ADAMTS12: variants seen among roughly 807,000 people sequenced by gnomAD.
ADAMTS12 encodes the protein A disintegrin and metalloproteinase with thrombospondin motifs 12.
ADAMTS12 carries 118 observed loss-of-function variants against 167.8 expected under a neutral mutation model. That is an observed-to-expected ratio of 0.70 (90% CI 0.61 to 0.82). The LOEUF (loss-of-function observed/expected upper bound fraction) is 0.82. Ranked by LOEUF, ADAMTS12 falls within the 40% of genes least tolerant of loss-of-function variation. The probability of loss-of-function intolerance (pLI) is 0.00; values close to 1 mark genes in which losing one functional copy is unlikely to be tolerated. For missense variants in ADAMTS12, 1,916 were observed against 1,998.8 expected, an observed-to-expected ratio of 0.96 and a Z score of 0.79; for synonymous variants, 704 against 716.9, an observed-to-expected ratio of 0.98 and a Z score of 0.29.
At chr5:33,550,858 A>G (rs1422025368) in intron 20 of ADAMTS12, among the ~76,000 whole-genome samples, 4 of 152,062 alleles carry the variant, frequency 2.6e-5, no homozygotes, top group African/African-American at 4.8e-5. Context: ...CACAGTGTAG[A>G]TGGCCATTAT....
chr5:33,873,447 C>T (rs1385733165), intron 2 of ADAMTS12, among the ~76,000 whole-genome samples: 1 of 152,158 alleles, frequency 6.6e-6, no homozygotes, highest in African/African-American at 2.4e-5. Context: ...ATATTCCATG[C>T]TAATGGATAG....
In ADAMTS12 at chr5:33,596,063, G is replaced by A; in HGVS notation, c.2528-3C>T. On this transcript the variant is annotated splice_polypyrimidine_tract_variant and splice_region_variant and intron_variant, in intron 16 of 23. Transcript: ENST00000504830. ...ATGGGCAGTTTGGCGGCGGATACCTGGGGGTCAGACAGAAAGATTCACACA... is the reference window on the plus strand; with the variant it reads ...ATGGGCAGTTTGGCGGCGGATACCTAGGGGTCAGACAGAAAGATTCACACA... The A allele has an allele frequency of 6.2e-7, 1 of 1,613,772 alleles. No homozygotes were observed. The highest frequency in any genetic ancestry group is 8.5e-7 in the Non-Finnish European group (1 of 1,179,836).
chr5:33,581,062 G>A (rs1171303198), intron 18 of ADAMTS12, among the ~76,000 whole-genome samples: 5 of 152,218 alleles, frequency 3.3e-5, no homozygotes, highest in Admixed American at 2.0e-4. Context: ...ATACGAACTT[G>A]CCTTTTCTCC....
chr5:33,719,953 T>A (rs1743749159), intron 3 of ADAMTS12, among the ~76,000 whole-genome samples: 1 of 152,190 alleles, frequency 6.6e-6, no homozygotes, highest in Non-Finnish European at 1.5e-5. Flanking sequence ...AGCACTCATG[T>A]GTATCTGCTT....
chr5:33,560,178 C>G (rs1745670195), intron 20 of ADAMTS12, among the ~76,000 whole-genome samples: 1 of 152,124 alleles, frequency 6.6e-6, no homozygotes, highest in African/African-American at 2.4e-5. Flanking sequence ...GGTGGGTTAC[C>G]ACATGTGGGT....
At chr5:33,816,647 G>A (rs552053091) in intron 2 of ADAMTS12, among the ~76,000 whole-genome samples, 30 of 152,248 alleles carry the variant, frequency 2.0e-4, no homozygotes, top group African/African-American at 7.0e-4. Context: ...TATGTGTTGA[G>A]GTTACAAAAA....
chr5:33,852,100 C>T (rs1414675103), intron 2 of ADAMTS12, among the ~76,000 whole-genome samples: 1 of 151,874 alleles, frequency 6.6e-6, no homozygotes, highest in Non-Finnish European at 1.5e-5. Flanking sequence ...AATGTGCTAA[C>T]AACAACAACA....
chr5:33,585,350 T>A (rs73080316), intron 18 of ADAMTS12, among the ~76,000 whole-genome samples: 6,084 of 152,278 alleles, frequency 0.04, 381 homozygotes, highest in African/African-American at 0.13. Flanking sequence ...CTCATGTTTA[T>A]CATGTTGCTC....
chr5:33,849,983 G>C (rs924719866), intron 2 of ADAMTS12, among the ~76,000 whole-genome samples: 1 of 152,000 alleles, frequency 6.6e-6, no homozygotes, highest in African/African-American at 2.4e-5. Context: ...GTATTTTATA[G>C]TGTAAATCCT....
At position 33,683,080 on chromosome 5, in the gene ADAMTS12, G is replaced by C. The variant is rs906216371; in HGVS notation, c.853C>G (p.Pro285Ala). 18 of 1,612,470 alleles carry C rather than the reference G, an allele frequency of 1.1e-5. No individual in the cohort carries two copies. The highest frequency in any genetic ancestry group is 1.4e-5 in the Non-Finnish European group (17 of 1,179,240). The change falls in exon 5 of 24, where the codon CCA becomes GCA. Residue 285 changes from proline to alanine, a missense_variant. Transcript: ENST00000504830. ...ATGTGAATTGCATTGCCAATGCTTGGGTTATGGAACAACCCAGTGACCTAG... is the reference window on the plus strand; with the variant it reads ...ATGTGAATTGCATTGCCAATGCTTGCGTTATGGAACAACCCAGTGACCTAG... The part of the protein sequence containing the change: ...MNMVTGLFHN[P>A]SIGNAIHIVV...
At chr5:33,651,273 A>C (rs922833012) in intron 7 of ADAMTS12, among the ~76,000 whole-genome samples, 7 of 152,184 alleles carry the variant, frequency 4.6e-5, no homozygotes, top group African/African-American at 1.7e-4. Flanking sequence ...TACATGAATA[A>C]TGATCTTCTT....
intron 1 of ADAMTS12, among the ~76,000 whole-genome samples, chr5:33,889,416 T>C (rs1231876960): frequency 1.3e-5 from 2 of 152,094 alleles, no homozygotes; most frequent in Admixed American, 6.5e-5. Context: ...TCTAAGGAGA[T>C]TGGTTATTTG....
intron 3 of ADAMTS12, among the ~76,000 whole-genome samples, chr5:33,738,535 T>G (rs1325145904): frequency 6.6e-6 from 1 of 152,202 alleles, no homozygotes; most frequent in Non-Finnish European, 1.5e-5. Flanking sequence ...CTTTCACCTC[T>G]CATGTCATGG....
intron 2 of ADAMTS12, among the ~76,000 whole-genome samples, chr5:33,864,169 T>C (rs1236484118): frequency 2.0e-5 from 3 of 152,112 alleles, no homozygotes; most frequent in Non-Finnish European, 4.4e-5. Context: ...CATCAAAAAG[T>C]AGGCAAAGGA....
chr5:33,814,432 A>C (rs10941094), intron 2 of ADAMTS12, among the ~76,000 whole-genome samples: 67,796 of 152,060 alleles, frequency 0.45, 15,469 homozygotes, highest in Non-Finnish European at 0.47. Flanking sequence ...TGTTCTGTTC[A>C]ATTTGCATAA....
chr5:33,806,906 C>T (rs554636914), intron 2 of ADAMTS12, among the ~76,000 whole-genome samples: 37 of 152,318 alleles, frequency 2.4e-4, no homozygotes, highest in African/African-American at 8.9e-4. Flanking sequence ...CGCCAGGTGG[C>T]TCCTGCCCGC....
At chr5:33,617,653 A>G (rs1361390453) in intron 14 of ADAMTS12, among the ~76,000 whole-genome samples, 1 of 152,138 alleles carries the variant, frequency 6.6e-6, no homozygotes, top group African/African-American at 2.4e-5. Context: ...ATGCCCTCCG[A>G]GTGTTGCTAT....
rs188346414 is a variant in ADAMTS12 at position 33,602,550 on chromosome 5, A to T, written c.2528-6490T>A. ...CCTGACCATTATGGTGGACAAAGTC[A>T]GATGGATTAGCACCAAGATGAGTGC... On this transcript the variant is annotated intron_variant, in intron 16 of 23. Coordinates refer to ENST00000504830, the MANE Select transcript of ADAMTS12 (RefSeq NM_030955.4). 2.6e-3 allele frequency among the ~76,000 whole-genome samples: 397 copies of T among 152,344 alleles called. 1 individual carries two copies. The highest frequency in any genetic ancestry group is 9.3e-3 in the African/African-American group (388 of 41,594).
intron 3 of ADAMTS12, among the ~76,000 whole-genome samples, chr5:33,701,252 C>T (rs1188649837): frequency 1.3e-5 from 2 of 152,220 alleles, no homozygotes; most frequent in African/African-American, 4.8e-5. Flanking sequence ...TACTCCCCAA[C>T]ATCTGAGCAC....
Sources: gnomAD v4.1 joint callset for allele counts (sites outside exome capture counted in the v4.1 genomes callset) on GRCh38, gnomAD v4.1.1 for gene constraint, MANE v1.5 for transcripts, NCBI Gene and HGNC (gene_info 2026-07-23, HGNC 2026-07-21) for gene names.